The following PBX4 variants were observed in gnomAD, a reference collection of about 807,000 sequenced individuals.
PBX4 encodes pre-B-cell leukemia transcription factor 4.
Under a neutral mutation model 35.1 loss-of-function variants are expected in PBX4, and 26 were observed. That is an observed-to-expected ratio of 0.74 (90% CI 0.54 to 1.03). The LOEUF (loss-of-function observed/expected upper bound fraction) is 1.03, where lower values mean the gene tolerates loss of function less well. Among genes scored for constraint, PBX4 ranks in the 50% least tolerant of loss-of-function variants. The pLI is 0.00. For synonymous variants in PBX4, 199 were observed against 204.2 expected (o/e 0.97, Z 0.22); for missense variants, 448 against 504.3 (o/e 0.89, Z 1.07).
intron 2 of PBX4, among the ~76,000 whole-genome samples, chr19:19,574,328 C>T (rs983089698): frequency 2.0e-5 from 3 of 152,230 alleles, no homozygotes; most frequent in African/African-American, 7.2e-5. Context: ...CCTGTCTCTT[C>T]ATAGACGCCC....
At chr19:19,567,476 G>C (rs998581707) in intron 5 of PBX4, among the ~76,000 whole-genome samples, 2 of 152,192 alleles carry the variant, frequency 1.3e-5, no homozygotes, top group African/African-American at 4.8e-5. Flanking sequence ...AAAGTAGGGA[G>C]GGCTGTGGTG....
chr19:19,617,168 T>C (rs1321734747), intron 1 of PBX4, among the ~76,000 whole-genome samples: 1 of 152,092 alleles, frequency 6.6e-6, no homozygotes, highest in Non-Finnish European at 1.5e-5. Flanking sequence ...TTTATTGCCA[T>C]TTATTTTATT....
intron 2 of PBX4, among the ~76,000 whole-genome samples, chr19:19,573,802 T>C (rs1232839214): frequency 6.6e-6 from 1 of 152,188 alleles, no homozygotes; most frequent in Non-Finnish European, 1.5e-5. Context: ...CAATCTTGGC[T>C]CACTGCAACC....
At position 19,614,661 on chromosome 19, in the gene PBX4, CA is replaced by C. The variant is rs1384890212; in HGVS notation, c.119+3849del. On this transcript the variant is annotated intron_variant, in intron 1 of 7. Transcript: ENST00000251203. ...GACAACAGAGTATGAGACTCCGTCT[CA>C]AAAAAACCCAAACCAAACCAAAAAA... is the stretch of plus-strand genomic sequence containing the variant. 2.0e-5 allele frequency among the ~76,000 whole-genome samples: 3 copies of C among 151,442 alleles called. No homozygotes were observed. The East Asian group carries it at 5.9e-4, about 30-fold the overall frequency.
chr19:19,614,888 G>A (rs1037165100), intron 1 of PBX4, among the ~76,000 whole-genome samples: 1 of 151,860 alleles, frequency 6.6e-6, no homozygotes, highest in Non-Finnish European at 1.5e-5. Flanking sequence ...GTCCAGGTGT[G>A]GTGGCTCAGG....
intron 1 of PBX4, among the ~76,000 whole-genome samples, chr19:19,607,510 A>G (rs2061638629): frequency 6.6e-6 from 1 of 152,222 alleles, no homozygotes; most frequent in Admixed American, 6.5e-5. Context: ...TTTTAAACCA[A>G]TATTCAAAAT....
At chr19:19,591,554 C>T (rs2061528379) in intron 2 of PBX4, among the ~76,000 whole-genome samples, 1 of 152,222 alleles carries the variant, frequency 6.6e-6, no homozygotes, top group African/African-American at 2.4e-5. Flanking sequence ...TCTTGTTCCC[C>T]AGAGACACAG....
intron 1 of PBX4, chr19:19,608,349 CA>C (rs113078814): frequency 0.05 from 5,702 of 115,124 alleles, 208 homozygotes; most frequent in Admixed American, 0.1. Context: ...GACCCTGTCT[CA>C]AAAAAAAAAA....
intron 2 of PBX4, among the ~76,000 whole-genome samples, chr19:19,586,550 A>G (rs916606808): frequency 6.6e-6 from 1 of 152,064 alleles, no homozygotes; most frequent in African/African-American, 2.4e-5. Context: ...ACACTGTAAT[A>G]TATAGTGCTG....
chr19:19,585,810 T>C (rs1479588377), intron 2 of PBX4, among the ~76,000 whole-genome samples: 1 of 152,102 alleles, frequency 6.6e-6, no homozygotes, highest in Non-Finnish European at 1.5e-5. Flanking sequence ...AAAAACACAT[T>C]ACTCCTAACT....
chr19:19,598,314 T>TG (rs2061572866), intron 2 of PBX4, among the ~76,000 whole-genome samples: 1 of 149,826 alleles, frequency 6.7e-6, no homozygotes, highest in African/African-American at 2.4e-5. Context: ...TTTTTTTTTT[T>TG]GAGACGGAGT....
intron 2 of PBX4, among the ~76,000 whole-genome samples, chr19:19,572,497 C>T (rs563941529): frequency 9.4e-4 from 143 of 151,888 alleles, no homozygotes; most frequent in African/African-American, 3.1e-3. Flanking sequence ...AACAGATGAA[C>T]CTTTTCTGTC....
intron 1 of PBX4, chr19:19,608,182 G>A (rs756003479): frequency 2.6e-5 from 4 of 152,028 alleles, no homozygotes; most frequent in Non-Finnish European, 5.9e-5. Context: ...GTGAAACCTC[G>A]TCTCTACCAA....
chr19:19,573,262 G>A lies in PBX4; in HGVS notation c.194-2429C>T, dbSNP rs141216942. ...GGAGGTTGCGGTGAGCCGAGATCACGCCACTGTACTCCAGCCTGGGCAACA... is the reference window on the plus strand; with the variant it reads ...GGAGGTTGCGGTGAGCCGAGATCACACCACTGTACTCCAGCCTGGGCAACA... On this transcript the variant is annotated intron_variant, in intron 2 of 7. Coordinates refer to ENST00000251203, the MANE Select transcript of PBX4 (RefSeq NM_025245.3). Among the ~76,000 whole-genome samples, 694 of 149,630 alleles carry A rather than the reference G, an allele frequency of 4.6e-3. 7 individuals are homozygous for A. Among genetic ancestry groups the A allele is most frequent in the Admixed American group, 7.8e-3 (116 of 14,848 alleles).
chr19:19,566,398 C>T (rs546527623), intron 5 of PBX4, among the ~76,000 whole-genome samples: 2 of 152,334 alleles, frequency 1.3e-5, no homozygotes, highest in South Asian at 4.1e-4. Flanking sequence ...CCAGGGCCAG[C>T]GCCTTCCTAC....
chr19:19,597,356 T>C (rs1371612210), intron 2 of PBX4, among the ~76,000 whole-genome samples: 4 of 152,262 alleles, frequency 2.6e-5, no homozygotes, highest in Non-Finnish European at 5.9e-5. Flanking sequence ...CTGGGCACCA[T>C]GCCCACAGCC....
At chr19:19,593,855 A>G (rs1033393496) in intron 2 of PBX4, among the ~76,000 whole-genome samples, 1 of 152,104 alleles carries the variant, frequency 6.6e-6, no homozygotes, top group African/African-American at 2.4e-5. Flanking sequence ...GGCCAGGCAC[A>G]GTGGCGCCTG....
intron 2 of PBX4, among the ~76,000 whole-genome samples, chr19:19,571,732 A>G (rs62137778): frequency 0.51 from 77,532 of 151,920 alleles, 20,843 homozygotes; most frequent in African/African-American, 0.68. Context: ...GGTGGGGCTG[A>G]GTGAAAAGGT....
intron 2 of PBX4, 54 bp downstream of exon 2, chr19:19,599,238 A>AT: frequency 6.9e-7 from 1 of 1,444,848 alleles, no homozygotes; most frequent in Non-Finnish European, 9.6e-7. Context: ...ATGTGCTGGG[A>AT]TTACAGGCAT....
Sources: gnomAD v4.1 joint callset for allele counts (sites outside exome capture counted in the v4.1 genomes callset) on GRCh38, gnomAD v4.1.1 for gene constraint, MANE v1.5 for transcripts, NCBI Gene and HGNC (gene_info 2026-07-23, HGNC 2026-07-21) for gene names.